The following PLEKHA7 variants were observed in gnomAD, a reference collection of about 807,000 sequenced individuals.
PLEKHA7 encodes pleckstrin homology domain-containing family A member 7.
PLEKHA7 carries 104 observed loss-of-function variants against 170.0 expected under a neutral mutation model. The observed-to-expected ratio is 0.61, with a 90% confidence interval of 0.52 to 0.72. The LOEUF (loss-of-function observed/expected upper bound fraction) is 0.72, where lower values mean the gene tolerates loss of function less well. Ranked by LOEUF, PLEKHA7 falls within the 30% of genes least tolerant of loss-of-function variation. The probability of loss-of-function intolerance (pLI) is 0.00; values close to 1 mark genes in which losing one functional copy is unlikely to be tolerated. For missense variants in PLEKHA7, 1,615 were observed against 1,671.7 expected (o/e 0.97, Z 0.59); for synonymous variants, 648 against 660.8 (o/e 0.98, Z 0.30).
intron 3 of PLEKHA7, among the ~76,000 whole-genome samples, chr11:16,988,153 G>T (rs1265001373): frequency 6.6e-6 from 1 of 152,256 alleles, no homozygotes; most frequent in East Asian, 1.9e-4. Flanking sequence ...AGGTCAGGCA[G>T]CTGTAAGGGG....
intron 23 of PLEKHA7, chr11:16,787,591 T>C (rs1015922723): frequency 7.2e-5 from 11 of 152,180 alleles, no homozygotes; most frequent in Admixed American, 6.5e-4. Context: ...CCCAGCCTGA[T>C]TGTTTCCACA....
At chr11:16,930,730 A>G (rs977165604) in intron 3 of PLEKHA7, among the ~76,000 whole-genome samples, 5 of 152,258 alleles carry the variant, frequency 3.3e-5, no homozygotes, top group African/African-American at 9.6e-5. Context: ...GAGAGTGAAC[A>G]GAGGGGAGGA....
intron 3 of PLEKHA7, among the ~76,000 whole-genome samples, chr11:16,950,054 G>A (rs976600289): frequency 7.5e-6 from 1 of 133,646 alleles, no homozygotes; most frequent in East Asian, 2.6e-4. Context: ...GTTAAGGGGG[G>A]AGTGAAGGCA....
intron 8 of PLEKHA7, among the ~76,000 whole-genome samples, chr11:16,846,253 C>T (rs898452453): frequency 1.4e-4 from 22 of 151,916 alleles, no homozygotes; most frequent in African/African-American, 5.1e-4. Flanking sequence ...CGACTACACT[C>T]CAGCCTGGGT....
At chr11:17,002,287 G>A (rs764639961) in intron 3 of PLEKHA7, among the ~76,000 whole-genome samples, 5 of 152,134 alleles carry the variant, frequency 3.3e-5, no homozygotes, top group South Asian at 2.1e-4. Context: ...GCCTGTAGTC[G>A]CAGCTACTCA....
At chr11:16,918,907 T>G (rs1858888141) in intron 3 of PLEKHA7, among the ~76,000 whole-genome samples, 1 of 152,062 alleles carries the variant, frequency 6.6e-6, no homozygotes, top group Non-Finnish European at 1.5e-5. Context: ...AAAAAAAAAC[T>G]ATTAAGAAAT....
intron 3 of PLEKHA7, among the ~76,000 whole-genome samples, chr11:16,976,884 T>C (rs1393850966): frequency 2.6e-5 from 4 of 152,180 alleles, no homozygotes; most frequent in South Asian, 4.1e-4. Flanking sequence ...AATAAATAAT[T>C]GCTGAATGGA....
intron 3 of PLEKHA7, among the ~76,000 whole-genome samples, chr11:16,970,682 CA>C (rs1862657325): frequency 6.8e-6 from 1 of 146,754 alleles, no homozygotes; most frequent in Non-Finnish European, 1.5e-5. Context: ...AAAACAAAAA[CA>C]AAAACAAAAA....
intron 3 of PLEKHA7, among the ~76,000 whole-genome samples, chr11:16,971,092 C>A (rs1862682712): frequency 6.6e-6 from 1 of 152,184 alleles, no homozygotes. Flanking sequence ...GAATATCTTA[C>A]TGTGTTTTTA....
In PLEKHA7 at chr11:16,952,517, C is replaced by T. The variant is rs567391413; in HGVS notation, c.221+61472G>A. Among the ~76,000 whole-genome samples the T allele has an allele frequency of 5.3e-5, 8 of 152,116 alleles. No individual in the cohort carries two copies. The South Asian group carries it at 8.3e-4, about 16-fold the overall frequency. ...GTCACTGTTCTGTCAGAGTTTCTAT[C>T]ATTTGCAGCTAAACATAACCCCAAC... On this transcript the variant is annotated intron_variant, in intron 3 of 26. Coordinates refer to ENST00000531066, the MANE Select transcript of PLEKHA7 (RefSeq NM_001329630.2).
intron 3 of PLEKHA7, among the ~76,000 whole-genome samples, chr11:16,926,212 G>A (rs1859529633): frequency 6.6e-6 from 1 of 152,230 alleles, no homozygotes; most frequent in African/African-American, 2.4e-5. Context: ...CATCGCCCAG[G>A]AGGCCGCTAT....
chr11:16,962,877 G>A (rs1353286451), intron 3 of PLEKHA7, among the ~76,000 whole-genome samples: 1 of 152,198 alleles, frequency 6.6e-6, no homozygotes, highest in Admixed American at 6.5e-5. Flanking sequence ...GAAAATCACA[G>A]TGCTCAAGAT....
intron 3 of PLEKHA7, among the ~76,000 whole-genome samples, chr11:16,989,802 C>A (rs1260218439): frequency 6.6e-6 from 1 of 152,172 alleles, no homozygotes. Flanking sequence ...CCCCCCCGCC[C>A]CCAATGCCCA....
intron 3 of PLEKHA7, among the ~76,000 whole-genome samples, chr11:16,909,914 T>C (rs1037343430): frequency 6.6e-6 from 1 of 152,210 alleles, no homozygotes; most frequent in Non-Finnish European, 1.5e-5. Context: ...AAACCAGCTG[T>C]TGCCAGAGGT....
At chr11:16,867,730 C>T (rs927590278) in intron 4 of PLEKHA7, among the ~76,000 whole-genome samples, 2 of 152,106 alleles carry the variant, frequency 1.3e-5, no homozygotes, top group Admixed American at 6.5e-5. Flanking sequence ...CTGCACACTC[C>T]CCTTCACAAA....
intron 19 of PLEKHA7, among the ~76,000 whole-genome samples, chr11:16,792,723 T>A (rs1847947354): frequency 6.6e-6 from 1 of 152,202 alleles, no homozygotes; most frequent in Non-Finnish European, 1.5e-5. Context: ...AATTATATAA[T>A]CCTGTTTTAT....
In PLEKHA7 at chr11:17,014,162, G is replaced by A. The variant is rs769962600; in HGVS notation, c.126C>T (p.Thr42=). Residue 42 remains threonine, a synonymous_variant, in exon 2 of 27, where the codon ACC becomes ACT. Transcript: ENST00000531066. ...LRCTTWLHPR[T]GEPVNSGHMI... ...TGTGGCCCGAGTTGACGGGCTCCCC[G>A]GTGCGCGGATGCAGCCAGGTCGTGC... 1.9e-6 allele frequency: 3 copies of A among 1,601,546 alleles called. No homozygotes were observed. The highest frequency in any genetic ancestry group is 2.2e-5 in the South Asian group (2 of 89,886).
At chr11:16,957,774 G>A (rs1861799467) in intron 3 of PLEKHA7, among the ~76,000 whole-genome samples, 1 of 128,676 alleles carries the variant, frequency 7.8e-6, no homozygotes, top group South Asian at 2.5e-4. Context: ...CACAATCTCA[G>A]ATCACTGTAA....
At chr11:17,012,242 T>C (rs757989683) in intron 3 of PLEKHA7, among the ~76,000 whole-genome samples, 1 of 152,204 alleles carries the variant, frequency 6.6e-6, no homozygotes, top group Non-Finnish European at 1.5e-5. Flanking sequence ...GAATAAAGTA[T>C]GAAAATTCCT....
Sources: allele counts gnomAD v4.1 joint callset (sites outside exome capture counted in the v4.1 genomes callset), GRCh38; gene constraint gnomAD v4.1.1; transcripts MANE v1.5; gene names NCBI Gene and HGNC (gene_info 2026-07-23, HGNC 2026-07-21).